Variants in SHISA6 observed in about 807,000 individuals in gnomAD.
The protein encoded by SHISA6 is shisa family member 6.
SHISA6 carries 22 observed loss-of-function variants against 47.9 expected under a neutral mutation model. That is an observed-to-expected ratio of 0.46 (90% CI 0.33 to 0.66). The LOEUF is 0.66. SHISA6 is among the 30% of genes least tolerant of loss of function. The probability of loss-of-function intolerance (pLI) is 0.02; values close to 1 mark genes in which losing one functional copy is unlikely to be tolerated. For synonymous variants in SHISA6, 388 were observed against 337.8 expected (o/e 1.15, Z -1.63); for missense variants, 680 against 764.6 (o/e 0.89, Z 1.30).
In SHISA6 at chr17:11,532,739, C is replaced by CTTT. The variant is rs71142217; in HGVS notation, c.896-19134_896-19132dup. Among the ~76,000 whole-genome samples, 634 of 71,212 alleles carry CTTT rather than the reference C, an allele frequency of 8.9e-3. 5 individuals are homozygous for CTTT. Among genetic ancestry groups the CTTT allele is most frequent in the Middle Eastern group, 0.019 (1 of 54 alleles). 46.7% of individuals were successfully genotyped at this position (71,212 alleles called of 152,430 possible). On this transcript the variant is annotated intron_variant, in intron 3 of 5. Coordinates refer to ENST00000441885, the MANE Select transcript of SHISA6 (RefSeq NM_207386.4). ...CATGCCTTTCCCCATTCTATCAGGG[C>CTTT]TTTTTTTTTTTTTTTTTTTTTTTTT...
chr17:11,556,048 T>G (rs2071976128), intron 5 of SHISA6, among the ~76,000 whole-genome samples, 156 bp downstream of exon 5: 1 of 152,188 alleles, frequency 6.6e-6, no homozygotes, highest in African/African-American at 2.4e-5. Flanking sequence ...ACAAGCTCTT[T>G]GCTTTTGTTC....
rs188620052 is a variant in SHISA6, at chr17:11,502,341, G to A, written c.896-49555G>A. Among the ~76,000 whole-genome samples the A allele has an allele frequency of 9.5e-3, 1,359 of 142,398 alleles. 16 individuals are homozygous for A. Among genetic ancestry groups the A allele is most frequent in the African/African-American group, 0.034 (1,310 of 38,392 alleles). 93.4% of individuals were successfully genotyped at this position (142,398 alleles called of 152,430 possible). A position where few individuals can be genotyped will look rare whatever the true frequency, so the allele number is the denominator to read the frequency against. ...GGAGAATGGCGTGAACCCGGGAGGC[G>A]GAGCTTGCAGTGAGCTGAGATCGCG... On this transcript the variant is annotated intron_variant, in intron 3 of 5. Coordinates refer to ENST00000441885, the MANE Select transcript of SHISA6 (RefSeq NM_207386.4).
chr17:11,440,501 G>T (rs2142296793), intron 3 of SHISA6, among the ~76,000 whole-genome samples: 1 of 151,766 alleles, frequency 6.6e-6, no homozygotes, highest in East Asian at 2.0e-4. Context: ...GACAGAGAAT[G>T]GGGATTCTCT....
At position 11,525,752 on chromosome 17, in the gene SHISA6, G is replaced by A. The variant is rs1049918492; in HGVS notation, c.896-26144G>A. 2.7e-5 allele frequency among the ~76,000 whole-genome samples: 4 copies of A among 148,398 alleles called. 1 individual carries two copies. Among genetic ancestry groups the A allele is most frequent in the South Asian group, 4.3e-4 (2 of 4,604 alleles). The stretch of plus-strand genomic sequence containing the variant: ...TCTTTATGGCTGGGTCTGGTGGCTC[G>A]CACCTGTAATCCCAGCACTTTGGGA... On this transcript the variant is annotated intron_variant, in intron 3 of 5. Transcript: ENST00000441885.
At chr17:11,469,937 G>T (rs1915898229) in intron 3 of SHISA6, among the ~76,000 whole-genome samples, 1 of 152,120 alleles carries the variant, frequency 6.6e-6, no homozygotes, top group South Asian at 2.1e-4. Flanking sequence ...GTTGAATGAG[G>T]TCATAAGAAT....
At chr17:11,408,152 G>A (rs182908563) in intron 3 of SHISA6, among the ~76,000 whole-genome samples, 73 of 151,950 alleles carry the variant, frequency 4.8e-4, no homozygotes, top group African/African-American at 1.6e-3. Flanking sequence ...GTACTTCTTC[G>A]AAAAAAAGTT....
intron 3 of SHISA6, among the ~76,000 whole-genome samples, chr17:11,441,748 C>T (rs1156488021): frequency 6.6e-6 from 1 of 152,152 alleles, no homozygotes; most frequent in Non-Finnish European, 1.5e-5. Flanking sequence ...TGAGGAATAT[C>T]CAGCATCCTG....
chr17:11,538,687 C>T (rs966875647), intron 3 of SHISA6, among the ~76,000 whole-genome samples: 4 of 152,092 alleles, frequency 2.6e-5, no homozygotes, highest in Non-Finnish European at 5.9e-5. Context: ...TGGGGTGGAA[C>T]GAAGGCCCAG....
chr17:11,303,517 G>A (rs112160830), intron 2 of SHISA6, among the ~76,000 whole-genome samples: 3 of 152,232 alleles, frequency 2.0e-5, no homozygotes, highest in Middle Eastern at 3.4e-3. Context: ...ATGGTTGAGT[G>A]TGTGATTGTG....
intron 3 of SHISA6, among the ~76,000 whole-genome samples, chr17:11,421,991 A>G (rs1914462467): frequency 6.6e-6 from 1 of 152,064 alleles, no homozygotes; most frequent in African/African-American, 2.4e-5. Flanking sequence ...TGAGGGGAGG[A>G]GGGGAGAAGA....
intron 1 of SHISA6, among the ~76,000 whole-genome samples, chr17:11,254,891 G>C (rs1024162516): frequency 1.3e-5 from 2 of 152,234 alleles, no homozygotes; most frequent in African/African-American, 2.4e-5. Flanking sequence ...GGCAGAGGCT[G>C]TCCACCCAGA....
intron 3 of SHISA6, among the ~76,000 whole-genome samples, chr17:11,546,308 T>C (rs1439456523): frequency 6.6e-6 from 1 of 152,114 alleles, no homozygotes; most frequent in Non-Finnish European, 1.5e-5. Flanking sequence ...CCCTGACACC[T>C]GGGGTCTGGG....
intron 2 of SHISA6, among the ~76,000 whole-genome samples, chr17:11,271,751 C>T (rs144307758): frequency 3.3e-5 from 5 of 152,164 alleles, no homozygotes; most frequent in East Asian, 1.9e-4. Flanking sequence ...TGAGCCACCA[C>T]GCCCAGCCCC....
intron 3 of SHISA6, 142 bp from the exon 4 acceptor site, chr17:11,551,754 C>A (rs150817759): frequency 5.0e-5 from 35 of 699,436 alleles, no homozygotes; most frequent in Non-Finnish European, 8.4e-5. Context: ...CTTGGAGCCT[C>A]ATACAATGAC....
At position 11,401,489 on chromosome 17, in the gene SHISA6, A is replaced by G. The variant is rs376793858; in HGVS notation, c.895+21980A>G. Among the ~76,000 whole-genome samples, 5 of 152,344 alleles carry G rather than the reference A, an allele frequency of 3.3e-5. No individual in the cohort carries two copies. The South Asian group carries it at 6.2e-4, about 19-fold the overall frequency. ...GCTGAGATTATAGGCATGAGCCACC[A>G]GCCTCAGACATGTATATATTTAACT... On this transcript the variant is annotated intron_variant, in intron 3 of 5. Coordinates refer to ENST00000441885, the MANE Select transcript of SHISA6 (RefSeq NM_207386.4).
intron 3 of SHISA6, among the ~76,000 whole-genome samples, chr17:11,439,834 G>A (rs968494013): frequency 6.6e-6 from 1 of 152,170 alleles, no homozygotes; most frequent in Non-Finnish European, 1.5e-5. Context: ...GCGCTTTGGG[G>A]AGAGAGTTTT....
chr17:11,312,727 A>T lies in SHISA6; in HGVS notation c.799+49201A>T, dbSNP rs796760755. Among the ~76,000 whole-genome samples, 39 of 152,324 alleles carry T rather than the reference A, an allele frequency of 2.6e-4. 1 individual carries two copies. The highest frequency in any genetic ancestry group is 7.9e-4 in the African/African-American group (33 of 41,582). ...TCAGGAATAAGCTATGGCAGTATCC[A>T]TAGTTCTATTTCATTCTTTTTAAAT... is the stretch of plus-strand genomic sequence containing the variant. On this transcript the variant is annotated intron_variant, in intron 2 of 5. Transcript: ENST00000441885.
At chr17:11,363,201 C>CTT (rs35611414) in intron 2 of SHISA6, among the ~76,000 whole-genome samples, 10,481 of 144,316 alleles carry the variant, frequency 0.073, 511 homozygotes, top group Non-Finnish European at 0.11. Flanking sequence ...GGGTACATTT[C>CTT]TTTTTTTTTT....
intron 3 of SHISA6, among the ~76,000 whole-genome samples, chr17:11,447,986 G>T (rs930281197): frequency 2.6e-5 from 4 of 152,196 alleles, no homozygotes; most frequent in African/African-American, 9.6e-5. Flanking sequence ...ATTCCACTTT[G>T]TAGAGACGAG....
Sources: gnomAD v4.1 joint callset for allele counts (sites outside exome capture counted in the v4.1 genomes callset) on GRCh38, gnomAD v4.1.1 for gene constraint, MANE v1.5 for transcripts, NCBI Gene and HGNC (gene_info 2026-07-23, HGNC 2026-07-21) for gene names.